Variants in PLA2G4A observed in about 807,000 individuals in gnomAD.
PLA2G4A encodes the protein cytosolic phospholipase A2.
Under a neutral mutation model 81.9 loss-of-function variants are expected in PLA2G4A, and 40 were observed. That is an observed-to-expected ratio of 0.49 (90% confidence interval 0.38 to 0.64). The LOEUF (loss-of-function observed/expected upper bound fraction) is 0.64, where lower values mean the gene tolerates loss of function less well. PLA2G4A is among the 30% of genes least tolerant of loss of function. The pLI is 0.00. For missense variants in PLA2G4A, 715 were observed against 905.1 expected (o/e 0.79, Z 2.69); for synonymous variants, 302 against 296.9 (o/e 1.02, Z -0.18).
chr1:186,962,591 G>A (rs956085646), intron 14 of PLA2G4A, among the ~76,000 whole-genome samples: 4 of 151,592 alleles, frequency 2.6e-5, no homozygotes, highest in Admixed American at 6.6e-5. Context: ...GCGCGATCTC[G>A]GCTCTCTGCA....
intron 4 of PLA2G4A, among the ~76,000 whole-genome samples, chr1:186,893,731 C>T (rs1024761066): frequency 2.6e-5 from 4 of 152,114 alleles, no homozygotes; most frequent in Admixed American, 1.3e-4. Flanking sequence ...CGAGACCAGC[C>T]TGGCCAACAC....
intron 2 of PLA2G4A, among the ~76,000 whole-genome samples, chr1:186,855,978 T>G (rs531577116): frequency 6.6e-6 from 1 of 152,160 alleles, no homozygotes; most frequent in African/African-American, 2.4e-5. Flanking sequence ...TCCTCCAATT[T>G]TTTCTTCTTC....
chr1:186,892,910 A>T, intron 3 of PLA2G4A, 101 bp from the exon 4 acceptor site: 1 of 838,146 alleles, frequency 1.2e-6, no homozygotes. Flanking sequence ...ATACATCACT[A>T]CAGATTCATT....
At chr1:186,911,860 G>A (rs1460281243) in intron 7 of PLA2G4A, among the ~76,000 whole-genome samples, 3 of 152,138 alleles carry the variant, frequency 2.0e-5, no homozygotes, top group African/African-American at 4.8e-5. Context: ...AAAGCCCGTG[G>A]TGCAATTTAG....
chr1:186,873,161 G>A (rs1558387239), intron 3 of PLA2G4A, among the ~76,000 whole-genome samples: 1 of 152,026 alleles, frequency 6.6e-6, no homozygotes, highest in Non-Finnish European at 1.5e-5. Flanking sequence ...GTGAATAGAT[G>A]ATATATAGTG....
At chr1:186,901,285 A>C (rs1654529153) in intron 5 of PLA2G4A, among the ~76,000 whole-genome samples, 1 of 152,182 alleles carries the variant, frequency 6.6e-6, no homozygotes, top group Non-Finnish European at 1.5e-5. Context: ...GGTCACTAAC[A>C]ATTGAAACAA....
At chr1:186,964,734 T>C (rs578199509) in intron 14 of PLA2G4A, among the ~76,000 whole-genome samples, 19 of 152,356 alleles carry the variant, frequency 1.2e-4, no homozygotes, top group African/African-American at 4.3e-4. Context: ...TTTATTTACT[T>C]ATTGGAGGTG....
At chr1:186,961,897 A>G (rs1384225373) in intron 14 of PLA2G4A, among the ~76,000 whole-genome samples, 8 of 152,148 alleles carry the variant, frequency 5.3e-5, no homozygotes, top group African/African-American at 1.4e-4. Flanking sequence ...CCTGCTGTCA[A>G]CCACAGTTTG....
chr1:186,966,180 G>C (rs1396630400), intron 15 of PLA2G4A, among the ~76,000 whole-genome samples: 1 of 150,722 alleles, frequency 6.6e-6, no homozygotes, highest in African/African-American at 2.4e-5. Flanking sequence ...GAGATGGACT[G>C]TATCTGTAAG....
At chr1:186,969,825 A>T (rs564508607) in intron 15 of PLA2G4A, among the ~76,000 whole-genome samples, 102 of 152,006 alleles carry the variant, frequency 6.7e-4, no homozygotes, top group African/African-American at 2.2e-3. Flanking sequence ...CAATGCTTAC[A>T]TTGATTCCAT....
At chr1:186,944,149 T>TAA (rs1656255915) in intron 10 of PLA2G4A, among the ~76,000 whole-genome samples, 1 of 152,034 alleles carries the variant, frequency 6.6e-6, no homozygotes, top group Non-Finnish European at 1.5e-5. Context: ...GGGTGATGAG[T>TAA]TCTTATCTAG....
intron 2 of PLA2G4A, among the ~76,000 whole-genome samples, chr1:186,860,888 G>A (rs1249495606): frequency 6.6e-6 from 1 of 152,042 alleles, no homozygotes; most frequent in Non-Finnish European, 1.5e-5. Context: ...TATACTCCCA[G>A]TTCCATATAG....
intron 3 of PLA2G4A, among the ~76,000 whole-genome samples, chr1:186,876,487 C>A (rs1049189780): frequency 2.0e-5 from 3 of 152,110 alleles, no homozygotes; most frequent in Admixed American, 6.6e-5. Context: ...ATTCAGTGAT[C>A]TCCCTCACTC....
At chr1:186,837,755 A>G (rs766911113) in intron 1 of PLA2G4A, among the ~76,000 whole-genome samples, 2 of 147,526 alleles carry the variant, frequency 1.4e-5, no homozygotes, top group African/African-American at 5.1e-5. Flanking sequence ...AAAAAAAAGA[A>G]AAAGAAAAGA....
intron 5 of PLA2G4A, among the ~76,000 whole-genome samples, chr1:186,896,144 A>C (rs1654324765): frequency 6.6e-6 from 1 of 152,154 alleles, no homozygotes; most frequent in Non-Finnish European, 1.5e-5. Flanking sequence ...TTAATACTAT[A>C]AAGTAATTAA....
At chr1:186,956,837 T>A (rs1656772441) in intron 14 of PLA2G4A, among the ~76,000 whole-genome samples, 1 of 151,912 alleles carries the variant, frequency 6.6e-6, no homozygotes, top group African/African-American at 2.4e-5. Context: ...AAAGAAAAAT[T>A]TACATTGGAG....
intron 1 of PLA2G4A, among the ~76,000 whole-genome samples, chr1:186,829,303 A>C (rs1651465693): frequency 6.6e-6 from 1 of 152,158 alleles, no homozygotes; most frequent in African/African-American, 2.4e-5. Context: ...TTGGGTTGGA[A>C]TCCCAGAAAG....
intron 5 of PLA2G4A, among the ~76,000 whole-genome samples, chr1:186,901,360 C>A (rs945142345): frequency 3.9e-5 from 6 of 152,132 alleles, no homozygotes; most frequent in African/African-American, 1.4e-4. Context: ...TCAGAATGCT[C>A]TTGCATTCTT....
At chr1:186,836,052 T>C (rs898937753) in intron 1 of PLA2G4A, among the ~76,000 whole-genome samples, 2 of 152,086 alleles carry the variant, frequency 1.3e-5, no homozygotes, top group African/African-American at 4.8e-5. Context: ...AAGAATCAAA[T>C]TTGTGACACT....
Sources: gnomAD v4.1 joint callset for allele counts (sites outside exome capture counted in the v4.1 genomes callset) on GRCh38, gnomAD v4.1.1 for gene constraint, MANE v1.5 for transcripts, NCBI Gene and HGNC (gene_info 2026-07-23, HGNC 2026-07-21) for gene names.